Variants in PCDHGA9 observed in about 807,000 individuals in gnomAD.
PCDHGA9 encodes the protein protocadherin gamma subfamily A, 9, also known as protocadherin gamma-A9.
A neutral mutation model predicts 62.5 loss-of-function variants in PCDHGA9; 37 were observed. The observed-to-expected ratio is 0.59, with a 90% CI of 0.46 to 0.78. The LOEUF (loss-of-function observed/expected upper bound fraction) is 0.78, where lower values mean the gene tolerates loss of function less well. PCDHGA9 is among the 30% of genes least tolerant of loss of function. PCDHGA9 has a pLI of 0.00. For missense variants in PCDHGA9, 1,138 were observed against 1,166.2 expected, an observed-to-expected ratio of 0.98 and a Z score of 0.35; for synonymous variants, 459 against 484.6, an observed-to-expected ratio of 0.95 and a Z score of 0.69.
intron 1 of PCDHGA9, among the ~76,000 whole-genome samples, chr5:141,454,194 G>A (rs949915652): frequency 6.6e-5 from 10 of 152,304 alleles, no homozygotes; most frequent in Non-Finnish European, 4.4e-5. Context: ...CTTAGTGAAG[G>A]TGAATTTATT....
intron 1 of PCDHGA9, chr5:141,418,347 G>C: frequency 6.2e-7 from 1 of 1,614,024 alleles, no homozygotes; most frequent in Non-Finnish European, 8.5e-7. Context: ...CCTGATATTA[G>C]TATGAATTCG....
intron 2 of PCDHGA9, among the ~76,000 whole-genome samples, chr5:141,500,939 G>T (rs2099804123): frequency 6.6e-6 from 1 of 151,680 alleles, no homozygotes; most frequent in South Asian, 2.1e-4. Context: ...CGCCATCTCG[G>T]CTCACTGCAA....
At chr5:141,428,154 T>G (rs760002801) in intron 1 of PCDHGA9, 29 of 1,578,806 alleles carry the variant, frequency 1.8e-5, no homozygotes, top group African/African-American at 1.3e-5. Flanking sequence ...CACGGGAACC[T>G]GCTGGTTGCT....
At chr5:141,428,147 G>T (rs771536400) in intron 1 of PCDHGA9, 1 of 1,589,612 alleles carries the variant, frequency 6.3e-7, no homozygotes, top group South Asian at 1.1e-5. Flanking sequence ...GGCTGCACAC[G>T]GGAACCTGCT....
chr5:141,420,147 C>T lies in PCDHGA9; in HGVS notation c.2424+14771C>T, dbSNP rs1480828845. On this transcript the variant is annotated intron_variant, in intron 1 of 3. Transcript: ENST00000573521. Reference sequence around the variant, plus strand: ...TGTGTGCCTGGGGATCAAATGAATCCAGAATTTAATTTTTTCACATCTGTT... The same window carrying T: ...TGTGTGCCTGGGGATCAAATGAATCTAGAATTTAATTTTTTCACATCTGTT... The T allele has an allele frequency of 2.5e-6, 4 of 1,613,848 alleles. No individual in the cohort carries two copies. The East Asian group carries it at 8.9e-5, about 36-fold the overall frequency.
intron 1 of PCDHGA9, among the ~76,000 whole-genome samples, chr5:141,483,644 G>A (rs2099584188): frequency 6.8e-6 from 1 of 146,522 alleles, no homozygotes; most frequent in African/African-American, 2.7e-5. Context: ...AGAGGGGTGT[G>A]TGTTTGTGTG....
Position 141,426,915 on chromosome 5 carries a change from G to A in PCDHGA9, c.2424+21539G>A, listed in dbSNP as rs143411146. On this transcript the variant is annotated intron_variant, in intron 1 of 3. Coordinates refer to ENST00000573521, the MANE Select transcript of PCDHGA9 (RefSeq NM_018921.3). ...ACAGAGCTCTCATCTCCTGGTCCTG[G>A]AAGCAATGGACATGGGTGACCCAGT... 1,737 of 456,738 alleles carry A rather than the reference G, an allele frequency of 3.8e-3. 17 individuals carry two copies. Among genetic ancestry groups the A allele is most frequent in the Admixed American group, 0.01 (426 of 42,586 alleles). The allele number at this position is 456,738 out of a possible 1,614,324, so 28.3% of individuals were successfully genotyped here.
In PCDHGA9 at chr5:141,491,556, C is replaced by T. The variant is rs2099720720; in HGVS notation, c.2425-3251C>T. The T allele has an allele frequency of 1.2e-6, 2 of 1,613,848 alleles. No homozygotes were observed. The highest frequency in any genetic ancestry group is 1.7e-5 in the Admixed American group (1 of 60,000). ...TGCGGCCCACAGACTCGCAGAGCCA[C>T]TGCTACAGGACGTGCTTTTCACCGG... On this transcript the variant is annotated intron_variant, in intron 1 of 3. Transcript: ENST00000573521. The surrounding 1 kb of genome is among the most constrained non-coding windows in gnomAD (Gnocchi z 6.9).
rs145569377 is a variant in PCDHGA9 at position 141,455,860 on chromosome 5, ATTATTTATTTATTTATTTATTTATTTAT to A, written c.2425-38920_2425-38893del. Among the ~76,000 whole-genome samples the A allele has an allele frequency of 5.0e-5, 7 of 139,848 alleles. No individual in the cohort carries two copies. The South Asian group carries it at 9.2e-4, about 18-fold the overall frequency. 91.7% of individuals were successfully genotyped at this position (139,848 alleles called of 152,430 possible). On this transcript the variant is annotated intron_variant, in intron 1 of 3. Transcript: ENST00000573521. ...CTATCTGCATAAAATAATTTCTTTT[ATTATTTATTTATTTATTTATTTATTTAT>A]TTATTTATTTATTTATTTATTTATT...
intron 1 of PCDHGA9, chr5:141,411,909 A>T (rs1176626028): frequency 6.6e-6 from 1 of 152,204 alleles, no homozygotes; most frequent in Non-Finnish European, 1.5e-5. Flanking sequence ...TTGCCTTTGC[A>T]CTCAGTCTCT....
intron 1 of PCDHGA9, chr5:141,423,694 T>C (rs1008861889): frequency 1.3e-6 from 2 of 1,501,552 alleles, no homozygotes; most frequent in Middle Eastern, 1.8e-4. Flanking sequence ...TAATTGTTGG[T>C]GTCTTGGCAC....
chr5:141,421,679 C>A, intron 1 of PCDHGA9: 1 of 1,613,810 alleles, frequency 6.2e-7, no homozygotes, highest in East Asian at 2.2e-5. Flanking sequence ...ATTCCTGGGG[C>A]GCGATTTGCT....
chr5:141,411,001 C>G lies in PCDHGA9; in HGVS notation c.2424+5625C>G, dbSNP rs2095456042. 1.8e-5 allele frequency: 3 copies of G among 168,822 alleles called. No individual in the cohort carries two copies. The South Asian group carries it at 4.7e-4, about 26-fold the overall frequency. The allele number at this position is 168,822 out of a possible 1,614,324, so 10.5% of individuals were successfully genotyped here. ...CCCAAGTAGCTGGGATTACTGGTGC[C>G]CCTCACCACAGCTAAATTTTTTGTA... On this transcript the variant is annotated intron_variant, in intron 1 of 3. Coordinates refer to ENST00000573521, the MANE Select transcript of PCDHGA9 (RefSeq NM_018921.3).
At position 141,493,093 on chromosome 5, in the gene PCDHGA9, A is replaced by G. The variant is rs78102761; in HGVS notation, c.2425-1714A>G. On this transcript the variant is annotated intron_variant, in intron 1 of 3. Transcript: ENST00000573521. The surrounding 1 kb of genome is among the most constrained non-coding windows in gnomAD (Gnocchi z 4.3). ...CTCCAACTCCAGGAGCTTTTATTCA[A>G]AATATATCAATGCCTAACTCTGCTC... 0.034 allele frequency among the ~76,000 whole-genome samples: 5,198 copies of G among 152,282 alleles called. 159 individuals carry two copies. Among genetic ancestry groups the G allele is most frequent in the African/African-American group, 0.079 (3,275 of 41,546 alleles).
intron 1 of PCDHGA9, among the ~76,000 whole-genome samples, chr5:141,454,900 C>T (rs1411402448): frequency 1.4e-5 from 2 of 145,486 alleles, no homozygotes; most frequent in African/African-American, 2.6e-5. Flanking sequence ...CACCGCCTCC[C>T]GGGTTCACGC....
intron 1 of PCDHGA9, among the ~76,000 whole-genome samples, chr5:141,447,023 GT>G (rs5871773): frequency 0.034 from 5,146 of 151,536 alleles, 101 homozygotes; most frequent in Middle Eastern, 0.088. Flanking sequence ...GTTTTGTTTT[GT>G]TTTTTTTCTG....
At chr5:141,434,667 G>A (rs1464226862) in intron 1 of PCDHGA9, among the ~76,000 whole-genome samples, 5 of 151,956 alleles carry the variant, frequency 3.3e-5, no homozygotes, top group African/African-American at 1.2e-4. Context: ...CTATAGAAAT[G>A]ATGCTAATGA....
Position 141,485,792 on chromosome 5 carries a change from G to T in PCDHGA9, c.2425-9015G>T, listed in dbSNP as rs114766079. 6.2e-6 allele frequency: 10 copies of T among 1,614,118 alleles called. No individual in the cohort carries two copies. In the Admixed American group the frequency reaches 1.3e-4, roughly 22 times the overall value. ...GCCTTTGGATCGAGAGAAGCAATCG[G>T]ACTACCGCCTGGTGCTGACTGCTGT... On this transcript the variant is annotated intron_variant, in intron 1 of 3. Transcript: ENST00000573521. This position sits in a 1 kb window ranked among gnomAD's most constrained non-coding sequence, Gnocchi z 5.7.
chr5:141,441,819 G>A (rs1040935030), intron 1 of PCDHGA9: 6 of 359,092 alleles, frequency 1.7e-5, no homozygotes, highest in Non-Finnish European at 3.3e-5. Context: ...CCCCAGCTCT[G>A]GAGCGCAATG....
Sources: allele counts gnomAD v4.1 joint callset (sites outside exome capture counted in the v4.1 genomes callset), GRCh38; gene constraint gnomAD v4.1.1; non-coding constraint Gnocchi (gnomAD v3.1); transcripts MANE v1.5; gene names NCBI Gene and HGNC (gene_info 2026-07-23, HGNC 2026-07-21).